Variants in BCL2 observed in about 807,000 individuals in gnomAD.
The protein encoded by BCL2 is apoptosis regulator Bcl-2.
In BCL2, 1 loss-of-function variant was observed where a neutral mutation model predicts 14.2. The observed-to-expected ratio is 0.07, with a 90% confidence interval of 0.02 to 0.33. The LOEUF is 0.33. Among genes scored for constraint, BCL2 ranks in the 10% least tolerant of loss-of-function variants. The pLI is 0.99. For synonymous variants in BCL2, 151 were observed against 137.2 expected (o/e 1.10, Z -0.70); for missense variants, 247 against 305.9 (o/e 0.81, Z 1.44).
At chr18:63,151,125 T>C (rs916656433) in intron 2 of BCL2, 2 of 152,192 alleles carry the variant, frequency 1.3e-5, no homozygotes, top group Admixed American at 1.3e-4. Context: ...TGTGTTTTTT[T>C]CTATAATTAG....
At chr18:63,211,574 T>A (rs756764314) in intron 2 of BCL2, among the ~76,000 whole-genome samples, 1 of 152,236 alleles carries the variant, frequency 6.6e-6, no homozygotes, top group African/African-American at 2.4e-5. Flanking sequence ...GTCATTTTGG[T>A]AACTCAACAC....
intron 2 of BCL2, 152 bp downstream of exon 2, chr18:63,317,930 G>T (rs778974162): frequency 2.0e-5 from 30 of 1,465,264 alleles, no homozygotes; most frequent in Non-Finnish European, 2.5e-5. Flanking sequence ...GCTTTGTCCA[G>T]AGGAGGAGGT....
intron 2 of BCL2, among the ~76,000 whole-genome samples, chr18:63,263,288 G>T (rs8084922): frequency 6.6e-6 from 1 of 151,978 alleles, no homozygotes; most frequent in South Asian, 2.1e-4. Flanking sequence ...AAAAATTAAC[G>T]CTTTGGGCTC....
chr18:63,135,119 A>AGTGT (rs1380007146), intron 2 of BCL2, among the ~76,000 whole-genome samples: 2 of 152,230 alleles, frequency 1.3e-5, no homozygotes, highest in African/African-American at 4.8e-5. Context: ...AATTCCTTAC[A>AGTGT]GTGTGTATTC....
At chr18:63,292,288 T>G (rs1568260509) in intron 2 of BCL2, among the ~76,000 whole-genome samples, 1 of 150,918 alleles carries the variant, frequency 6.6e-6, no homozygotes, top group Non-Finnish European at 1.5e-5. Flanking sequence ...GGGTTATTAC[T>G]CTAGACATCA....
intron 2 of BCL2, among the ~76,000 whole-genome samples, chr18:63,155,630 T>C (rs760052875): frequency 2.6e-5 from 4 of 152,116 alleles, no homozygotes; most frequent in Non-Finnish European, 5.9e-5. Context: ...GTAGGGCTGT[T>C]GGCTGAGACG....
intron 2 of BCL2, among the ~76,000 whole-genome samples, chr18:63,173,187 C>A (rs563452234): frequency 6.6e-6 from 1 of 151,998 alleles, no homozygotes; most frequent in African/African-American, 2.4e-5. Flanking sequence ...CTTGAAATAA[C>A]CTTTCACAAC....
At chr18:63,284,117 C>T (rs896273392) in intron 2 of BCL2, among the ~76,000 whole-genome samples, 18 of 152,144 alleles carry the variant, frequency 1.2e-4, no homozygotes, top group African/African-American at 4.3e-4. Context: ...CCTGGGGGCA[C>T]TTCTGAGGAG....
intron 2 of BCL2, among the ~76,000 whole-genome samples, chr18:63,253,320 C>A (rs1035321222): frequency 6.6e-6 from 1 of 152,226 alleles, no homozygotes; most frequent in Non-Finnish European, 1.5e-5. Flanking sequence ...TGACACTACA[C>A]TGATCGCCTA....
intron 2 of BCL2, among the ~76,000 whole-genome samples, chr18:63,154,115 G>A (rs866251615): frequency 6.6e-6 from 1 of 152,002 alleles, no homozygotes; most frequent in Admixed American, 6.6e-5. Flanking sequence ...TGCCTCTAAG[G>A]GTCTAATCAG....
chr18:63,204,520 C>G (rs1019898534), intron 2 of BCL2, among the ~76,000 whole-genome samples: 1 of 152,168 alleles, frequency 6.6e-6, no homozygotes, highest in Non-Finnish European at 1.5e-5. Context: ...CATCTTAGAC[C>G]ATCTAGCCCC....
intron 2 of BCL2, among the ~76,000 whole-genome samples, chr18:63,261,303 C>T (rs1339647298): frequency 6.7e-6 from 1 of 148,900 alleles, no homozygotes; most frequent in East Asian, 1.9e-4. Flanking sequence ...TGAAACACTG[C>T]CCTTCCTCTC....
chr18:63,317,045 C>G (rs186956387), intron 2 of BCL2: 1 of 152,186 alleles, frequency 6.6e-6, no homozygotes, highest in East Asian at 1.9e-4. Flanking sequence ...TAAACCCCCT[C>G]CAACAAAGAA....
At position 63,255,597 on chromosome 18, in the gene BCL2, G is replaced by A. The variant is rs115635422; in HGVS notation, c.585+62485C>T. Among the ~76,000 whole-genome samples the A allele has an allele frequency of 5.0e-3, 759 of 152,240 alleles. 5 individuals carry two copies. The highest frequency in any genetic ancestry group is 0.017 in the African/African-American group (708 of 41,542). On this transcript the variant is annotated intron_variant, in intron 2 of 2. Transcript: ENST00000333681. ...ATAAGAGATGTGGTTTGAAAGAGCT[G>A]GACTTCCTTTTCTCACTTTGCAATT...
chr18:63,311,416 A>G (rs932076913), intron 2 of BCL2, among the ~76,000 whole-genome samples: 1 of 152,176 alleles, frequency 6.6e-6, no homozygotes, highest in Non-Finnish European at 1.5e-5. Context: ...TGTCTTTTCG[A>G]CAGTTAAAAA....
chr18:63,223,634 C>T (rs1485456059), intron 2 of BCL2, among the ~76,000 whole-genome samples: 1 of 152,038 alleles, frequency 6.6e-6, no homozygotes, highest in Non-Finnish European at 1.5e-5. Flanking sequence ...ATCTCAGCTC[C>T]CAGCCTGGGA....
rs539297959 is a variant in BCL2 at position 63,291,330 on chromosome 18, G to A, written c.585+26752C>T. Among the ~76,000 whole-genome samples, 5 of 152,246 alleles carry A rather than the reference G, an allele frequency of 3.3e-5. No homozygotes were observed. In the South Asian group the frequency reaches 1.0e-3, roughly 32 times the overall value. On this transcript the variant is annotated intron_variant, in intron 2 of 2. Coordinates refer to ENST00000333681, the MANE Select transcript of BCL2 (RefSeq NM_000633.3). The stretch of plus-strand genomic sequence containing the variant: ...CCCAAATGAATTATTATTTTGACTG[G>A]GGACACTGAAGTTCACGGTTATTTT...
At chr18:63,190,551 G>C (rs1222219389) in intron 2 of BCL2, among the ~76,000 whole-genome samples, 2 of 152,178 alleles carry the variant, frequency 1.3e-5, no homozygotes, top group African/African-American at 4.8e-5. Flanking sequence ...TCAGATGGCA[G>C]GGACACAACT....
intron 2 of BCL2, among the ~76,000 whole-genome samples, chr18:63,255,319 A>G (rs1911440667): frequency 6.6e-6 from 1 of 152,198 alleles, no homozygotes; most frequent in Admixed American, 6.5e-5. Flanking sequence ...AAACAAATCA[A>G]ACTCAGGGAT....
Sources: gnomAD v4.1 joint callset for allele counts (sites outside exome capture counted in the v4.1 genomes callset) on GRCh38, gnomAD v4.1.1 for gene constraint, MANE v1.5 for transcripts, NCBI Gene and HGNC (gene_info 2026-07-23, HGNC 2026-07-21) for gene names.